Variants in GANC observed in about 807,000 individuals in gnomAD.
GANC encodes glucosidase alpha, neutral C, also known as neutral alpha-glucosidase C.
Under a neutral mutation model 124.2 loss-of-function variants are expected in GANC, and 117 were observed. The ratio of observed to expected loss-of-function variants is 0.94; its 90% CI spans 0.81 to 1.10. GANC has a LOEUF of 1.10. GANC is among the 50% of genes least tolerant of loss of function. The pLI is 0.00. For missense variants in GANC, 1,140 were observed against 1,095.0 expected (o/e 1.04, Z -0.58); for synonymous variants, 377 against 376.8 (o/e 1.00, Z -0.01).
intron 5 of GANC, among the ~76,000 whole-genome samples, chr15:42,296,871 A>G (rs1380850703): frequency 7.0e-6 from 1 of 143,678 alleles, no homozygotes; most frequent in Admixed American, 7.0e-5. Context: ...TTTTTGGAAG[A>G]TATGGTCTCA....
In GANC at chr15:42,278,566, C is replaced by G. The variant is rs763044177; in HGVS notation, c.177C>G (p.Phe59Leu). ...CAACAGATGAAGACAGCACCAGGTT[C>G]CAAATCATCAATGAAGCAAGTAAGG... ...SVTTDEDSTR[F>L]QIINEASKVP... Residue 59 changes from phenylalanine (F) to leucine (L), a missense_variant, in exon 3 of 24, where the codon TTC becomes TTG. Physicochemically the swap from Phe to Leu is conservative, Grantham distance 22 (BLOSUM62 0). Coordinates refer to ENST00000318010, the MANE Select transcript of GANC (RefSeq NM_198141.3). 1 of 1,610,986 alleles carries G rather than the reference C, an allele frequency of 6.2e-7. No homozygotes were observed. The highest frequency in any genetic ancestry group is 1.1e-5 in the South Asian group (1 of 90,564).
intron 15 of GANC, among the ~76,000 whole-genome samples, chr15:42,337,931 C>T (rs1189050999): frequency 6.6e-6 from 1 of 152,000 alleles, no homozygotes; most frequent in African/African-American, 2.4e-5. Context: ...AGTGATGGTG[C>T]ACACTTGTAA....
Position 42,273,633 on chromosome 15 carries a change from G to T in GANC, c.-849G>T. The T allele has an allele frequency of 1.6e-6, 1 of 615,758 alleles. No homozygotes were observed. The highest frequency in any genetic ancestry group is 2.7e-6 in the Non-Finnish European group (1 of 364,078). 38.1% of individuals were successfully genotyped at this position (615,758 alleles called of 1,614,324 possible). ...CCTGGTCAGCTGGGTTAGAGAGATC[G>T]CTACATGCCAGCCTGGCCTGAGTCT... On this transcript the variant is annotated 5_prime_UTR_variant, in exon 1 of 24. Coordinates refer to ENST00000318010, the MANE Select transcript of GANC (RefSeq NM_198141.3).
chr15:42,343,833 G>A (rs1394973809), intron 19 of GANC, among the ~76,000 whole-genome samples: 4 of 152,126 alleles, frequency 2.6e-5, no homozygotes, highest in African/African-American at 9.7e-5. Flanking sequence ...AAGAGCTGGA[G>A]CAAAACTCAG....
rs112616633 is a variant in GANC, at chr15:42,327,662, A to G, written c.1500+220A>G. On this transcript the variant is annotated intron_variant, in intron 13 of 23. Transcript: ENST00000318010. ...AAAACCTGTGATTTTGACCTCTATTATAATAGACTCTATGATATATCAAAG... is the reference window on the plus strand; with the variant it reads ...AAAACCTGTGATTTTGACCTCTATTGTAATAGACTCTATGATATATCAAAG... Among the ~76,000 whole-genome samples, 355 of 152,302 alleles carry G rather than the reference A, an allele frequency of 2.3e-3. 4 individuals are homozygous for G. Among genetic ancestry groups the G allele is most frequent in the African/African-American group, 8.3e-3 (346 of 41,564 alleles).
Position 42,276,190 on chromosome 15 carries a change from G to A in GANC, c.30-158G>A. ...AAAGGCTATTGTTCTGCAACATAAT[G>A]TGCTATTATGTTATACTGTGGCCGT... On this transcript the variant is annotated intron_variant, in intron 1 of 23. Transcript: ENST00000318010. The A allele has an allele frequency of 1.3e-5, 7 of 534,594 alleles. No individual in the cohort carries two copies. In the South Asian group the frequency reaches 1.3e-4, roughly 10 times the overall value. 33.1% of individuals were successfully genotyped at this position (534,594 alleles called of 1,614,324 possible).
intron 10 of GANC, among the ~76,000 whole-genome samples, chr15:42,312,326 G>T (rs1049732085): frequency 3.3e-5 from 5 of 152,186 alleles, no homozygotes; most frequent in Non-Finnish European, 5.9e-5. Context: ...CCGGTGGGAG[G>T]TAATTGAATC....
At chr15:42,320,515 C>G (rs1203551568) in intron 10 of GANC, among the ~76,000 whole-genome samples, 1 of 152,160 alleles carries the variant, frequency 6.6e-6, no homozygotes, top group African/African-American at 2.4e-5. Flanking sequence ...GTGGTGCAAT[C>G]TCGGCTCACT....
At chr15:42,322,780 A>G (rs2052171314) in intron 11 of GANC, among the ~76,000 whole-genome samples, 1 of 152,192 alleles carries the variant, frequency 6.6e-6, no homozygotes, top group African/African-American at 2.4e-5. Context: ...AGCCCCTGGA[A>G]CATGTATAAT....
intron 22 of GANC, among the ~76,000 whole-genome samples, chr15:42,349,985 C>T (rs1041972482): frequency 1.4e-5 from 2 of 147,390 alleles, no homozygotes; most frequent in Admixed American, 6.8e-5. Flanking sequence ...CTACCATAAA[C>T]AATCCTCCCT....
chr15:42,344,061 G>A (rs2052346166), intron 19 of GANC, among the ~76,000 whole-genome samples: 1 of 152,224 alleles, frequency 6.6e-6, no homozygotes, highest in Non-Finnish European at 1.5e-5. Context: ...GCTCAGTACT[G>A]TCAGGTGCTG....
chr15:42,328,474 T>G (rs1309727072), intron 13 of GANC, among the ~76,000 whole-genome samples: 1 of 135,638 alleles, frequency 7.4e-6, no homozygotes, highest in Non-Finnish European at 1.6e-5. Flanking sequence ...CCCTTATACA[T>G]AGAAGAACAC....
At position 42,302,386 on chromosome 15, in the gene GANC, A is replaced by G. The variant is rs2051953601; in HGVS notation, c.559-4160A>G. Among the ~76,000 whole-genome samples the G allele has an allele frequency of 4.6e-5, 7 of 152,328 alleles. No individual in the cohort carries two copies. The South Asian group carries it at 1.5e-3, about 32-fold the overall frequency. ...AAGAGCAAAGGTAGATAAATCCATGAAAGTAAGGAAAAACCAGCGCAAAAG... is the reference window on the plus strand; with the variant it reads ...AAGAGCAAAGGTAGATAAATCCATGGAAGTAAGGAAAAACCAGCGCAAAAG... On this transcript the variant is annotated intron_variant, in intron 6 of 23. Coordinates refer to ENST00000318010, the MANE Select transcript of GANC (RefSeq NM_198141.3).
chr15:42,340,927 G>A (rs1246149767), intron 18 of GANC, among the ~76,000 whole-genome samples, 173 bp downstream of exon 18: 2 of 151,590 alleles, frequency 1.3e-5, no homozygotes, highest in Non-Finnish European at 2.9e-5. Context: ...CACCATGCCC[G>A]GCTAATTTTT....
intron 3 of GANC, among the ~76,000 whole-genome samples, chr15:42,283,435 GAA>G (rs1177458925): frequency 2.6e-5 from 4 of 152,310 alleles, no homozygotes; most frequent in East Asian, 3.9e-4. Context: ...TCTGGATTGA[GAA>G]AGAGAGATCT....
At position 42,315,116 on chromosome 15, in the gene GANC, T is replaced by C. The variant is rs2052090751; in HGVS notation, c.1057+4270T>C. Among the ~76,000 whole-genome samples the C allele has an allele frequency of 5.9e-5, 9 of 152,344 alleles. No individual in the cohort carries two copies. In the South Asian group the frequency reaches 1.9e-3, roughly 32 times the overall value. On this transcript the variant is annotated intron_variant, in intron 10 of 23. Transcript: ENST00000318010. ...CTGAATTTAATCCTATCCTTTGTGC[T>C]CAACTTTTTTGTGCTGTTAAAATCA...
intron 6 of GANC, among the ~76,000 whole-genome samples, chr15:42,302,500 A>T (rs1003045421): frequency 6.6e-6 from 1 of 152,200 alleles, no homozygotes; most frequent in Non-Finnish European, 1.5e-5. Context: ...ACGGAGAATG[A>T]GTTTGACAAA....
intron 19 of GANC, among the ~76,000 whole-genome samples, chr15:42,344,300 T>A (rs1017059705): frequency 2.0e-5 from 3 of 152,198 alleles, no homozygotes; most frequent in African/African-American, 7.2e-5. Flanking sequence ...AATCTGTTCA[T>A]GCCTCCCTCT....
At position 42,273,595 on chromosome 15, in the gene GANC, C is replaced by G. The variant is rs1002408141; in HGVS notation, c.-887C>G. On this transcript the variant is annotated 5_prime_UTR_variant, in exon 1 of 24. Coordinates refer to ENST00000318010, the MANE Select transcript of GANC (RefSeq NM_198141.3). ...GACTTTGGACCTACTGCGCAGGCGT[C>G]ATCCTGTTGGAACCTGGTCAGCTGG... is the stretch of plus-strand genomic sequence containing the variant. 2 of 898,978 alleles carry G rather than the reference C, an allele frequency of 2.2e-6. No individual in the cohort carries two copies. Among genetic ancestry groups the G allele is most frequent in the Non-Finnish European group, 1.6e-6 (1 of 610,528 alleles). 55.7% of individuals were successfully genotyped at this position (898,978 alleles called of 1,614,324 possible). A position where few individuals can be genotyped will look rare whatever the true frequency, so the allele number is the denominator to read the frequency against.
Sources: gnomAD v4.1 joint callset for allele counts (sites outside exome capture counted in the v4.1 genomes callset) on GRCh38, gnomAD v4.1.1 for gene constraint, MANE v1.5 for transcripts, NCBI Gene and HGNC (gene_info 2026-07-23, HGNC 2026-07-21) for gene names.